The following BLOC1S5 variants were observed in gnomAD, a reference collection of about 807,000 sequenced individuals.
The protein encoded by BLOC1S5 is biogenesis of lysosome-related organelles complex 1 subunit 5.
In BLOC1S5, 27 loss-of-function variants were observed where a neutral mutation model predicts 24.3. The ratio of observed to expected loss-of-function variants is 1.11; its 90% CI spans 0.82 to 1.53. BLOC1S5 has a LOEUF of 1.53. BLOC1S5 is among the 40% of genes most tolerant of loss of function. The pLI is 0.00. For synonymous variants in BLOC1S5, 84 were observed against 74.5 expected (o/e 1.13, Z -0.66); for missense variants, 239 against 229.4 (o/e 1.04, Z -0.27).
chr6:8,056,455 A>C (rs1764309239), intron 2 of BLOC1S5, among the ~76,000 whole-genome samples: 1 of 152,098 alleles, frequency 6.6e-6, no homozygotes, highest in Non-Finnish European at 1.5e-5. Context: ...CTCTGTTTTT[A>C]GACATATTCA....
chr6:8,014,602 TA>T lies in BLOC1S5; in HGVS notation c.*1046del. 1 of 152,194 alleles carries T rather than the reference TA, an allele frequency of 6.6e-6. No individual in the cohort carries two copies. The highest frequency in any genetic ancestry group is 1.9e-4 in the East Asian group (1 of 5,204). The allele number at this position is 152,194 out of a possible 1,614,324, so 9.4% of individuals were successfully genotyped here. ...AATTAGACTGTTAAATGCAGGTTTT[TA>T]AAGATCACAGTGATGACAGAACTGG... On this transcript the variant is annotated 3_prime_UTR_variant, in exon 5 of 5. Coordinates refer to ENST00000397457, the MANE Select transcript of BLOC1S5 (RefSeq NM_201280.3).
At position 8,036,276 on chromosome 6, in the gene BLOC1S5, C is replaced by T. The variant is rs1212684168; in HGVS notation, c.325+4863G>A. On this transcript the variant is annotated intron_variant, in intron 3 of 4. Coordinates refer to ENST00000397457, the MANE Select transcript of BLOC1S5 (RefSeq NM_201280.3). ...AGCCTGTATCAGAAAAATAGAAAGA[C>T]TTCAAATAAACAACCTAACAAGGAA... Among the ~76,000 whole-genome samples the T allele has an allele frequency of 1.3e-5, 2 of 151,276 alleles. 1 individual carries two copies. The highest frequency in any genetic ancestry group is 1.3e-4 in the Admixed American group (2 of 15,212).
chr6:8,023,771 G>C (rs768085091), intron 4 of BLOC1S5, among the ~76,000 whole-genome samples: 1 of 152,088 alleles, frequency 6.6e-6, no homozygotes, highest in Non-Finnish European at 1.5e-5. Context: ...GTTTACATTG[G>C]CTAGATGAGA....
chr6:8,041,437 C>T (rs1335578076), intron 2 of BLOC1S5, among the ~76,000 whole-genome samples, 169 bp from the exon 3 acceptor site: 2 of 149,592 alleles, frequency 1.3e-5, no homozygotes, highest in Non-Finnish European at 3.0e-5. Flanking sequence ...CTCAGCCTCC[C>T]AAGTAGCTGG....
intron 4 of BLOC1S5, among the ~76,000 whole-genome samples, 193 bp downstream of exon 4, chr6:8,026,160 AAAAGGAAAAAAGAG>A (rs1287332917): frequency 1.3e-5 from 2 of 152,238 alleles, no homozygotes; most frequent in East Asian, 3.8e-4. Flanking sequence ...GGAAATGTTG[AAAAGGAAAAAAGAG>A]AGTTCTGCAA....
At chr6:8,026,479 C>T in intron 3 of BLOC1S5, 54 bp from the exon 4 acceptor site, 2 of 1,410,338 alleles carry the variant, frequency 1.4e-6, no homozygotes, top group Non-Finnish European at 2.0e-6. Flanking sequence ...CAAGGAAACA[C>T]ATACCTGGGG....
chr6:8,060,985 C>T (rs528286561), intron 2 of BLOC1S5, among the ~76,000 whole-genome samples: 7 of 152,158 alleles, frequency 4.6e-5, no homozygotes, highest in African/African-American at 1.4e-4. Context: ...CCACCATGCC[C>T]GGCTAATTTT....
intron 2 of BLOC1S5, among the ~76,000 whole-genome samples, chr6:8,055,023 AC>A (rs1158454004): frequency 6.6e-6 from 1 of 151,830 alleles, no homozygotes; most frequent in Non-Finnish European, 1.5e-5. Context: ...CTTTCACCTG[AC>A]CTTTTATTTT....
intron 2 of BLOC1S5, chr6:8,041,766 C>T (rs993349047): frequency 6.6e-6 from 1 of 151,620 alleles, no homozygotes; most frequent in Non-Finnish European, 1.5e-5. Context: ...CCTGCCTCAG[C>T]CTGCCGAGTA....
At chr6:8,026,484 C>A in intron 3 of BLOC1S5, 59 bp from the exon 4 acceptor site, 1 of 1,346,878 alleles carries the variant, frequency 7.4e-7, no homozygotes, top group South Asian at 1.2e-5. Context: ...AAACACATAC[C>A]TGGGGGAGGA....
At chr6:8,018,312 GA>G (rs1482468876) in intron 4 of BLOC1S5, among the ~76,000 whole-genome samples, 1 of 152,126 alleles carries the variant, frequency 6.6e-6, no homozygotes, top group Admixed American at 6.5e-5. Context: ...AGTCAGACTA[GA>G]AAAAGAAAAA....
At chr6:8,025,664 C>A (rs1232454541) in intron 4 of BLOC1S5, among the ~76,000 whole-genome samples, 2 of 152,112 alleles carry the variant, frequency 1.3e-5, no homozygotes, top group Non-Finnish European at 2.9e-5. Context: ...GGATTAACCA[C>A]AACACATTCC....
chr6:8,051,909 T>C lies in BLOC1S5; in HGVS notation c.195+10625A>G, dbSNP rs185061496. 4.1e-3 allele frequency among the ~76,000 whole-genome samples: 621 copies of C among 151,586 alleles called. 4 individuals are homozygous for C. Among genetic ancestry groups the C allele is most frequent in the African/African-American group, 0.014 (571 of 41,320 alleles). On this transcript the variant is annotated intron_variant, in intron 2 of 4. Transcript: ENST00000397457. ...CTCAATGACAATACACCTGGTTACCTGATGGAGATAGACAAGAAGATGCGT... is the reference window on the plus strand; with the variant it reads ...CTCAATGACAATACACCTGGTTACCCGATGGAGATAGACAAGAAGATGCGT...
intron 2 of BLOC1S5, among the ~76,000 whole-genome samples, chr6:8,042,062 A>AC (rs1273781218): frequency 5.9e-5 from 9 of 152,190 alleles, no homozygotes; most frequent in African/African-American, 2.2e-4. Context: ...ATGCCTCATA[A>AC]CCCAGAGGCA....
chr6:8,044,564 T>C (rs1190049136), intron 2 of BLOC1S5, among the ~76,000 whole-genome samples: 1 of 152,000 alleles, frequency 6.6e-6, no homozygotes, highest in Non-Finnish European at 1.5e-5. Flanking sequence ...GACAGGAAAA[T>C]GTAAGAAAGT....
At chr6:8,044,353 C>A (rs956208769) in intron 2 of BLOC1S5, among the ~76,000 whole-genome samples, 1 of 151,632 alleles carries the variant, frequency 6.6e-6, no homozygotes, top group African/African-American at 2.4e-5. Flanking sequence ...CCTCCCCACC[C>A]ATGTGGAACT....
At chr6:8,041,689 C>T (rs1488868212) in intron 2 of BLOC1S5, among the ~76,000 whole-genome samples, 2 of 80,132 alleles carry the variant, frequency 2.5e-5, no homozygotes, top group Non-Finnish European at 6.4e-5. Context: ...CCCTGTCGCC[C>T]AGACTGGAGT....
At chr6:8,024,919 G>C (rs1763057616) in intron 4 of BLOC1S5, among the ~76,000 whole-genome samples, 1 of 152,184 alleles carries the variant, frequency 6.6e-6, no homozygotes, top group African/African-American at 2.4e-5. Flanking sequence ...CTAGTACAGG[G>C]AAGCAACACC....
At position 8,060,015 on chromosome 6, in the gene BLOC1S5, T is replaced by C. The variant is rs79848110; in HGVS notation, c.195+2519A>G. On this transcript the variant is annotated intron_variant, in intron 2 of 4. Coordinates refer to ENST00000397457, the MANE Select transcript of BLOC1S5 (RefSeq NM_201280.3). ...GCTCAACACATTTTGTTTGACTTTA[T>C]ATAACCAGCTGTTACTATAAGCTGT... Among the ~76,000 whole-genome samples, 19 of 152,366 alleles carry C rather than the reference T, an allele frequency of 1.2e-4. No individual in the cohort carries two copies. In the East Asian group the frequency reaches 2.7e-3, roughly 22 times the overall value.
Sources: allele counts gnomAD v4.1 joint callset (sites outside exome capture counted in the v4.1 genomes callset), GRCh38; gene constraint gnomAD v4.1.1; transcripts MANE v1.5; gene names NCBI Gene and HGNC (gene_info 2026-07-23, HGNC 2026-07-21).